Variants in LRP1 observed in about 807,000 individuals in gnomAD.
The protein encoded by LRP1 is LDL receptor related protein 1.
LRP1 carries 51 observed loss-of-function variants against 541.5 expected under a neutral mutation model. That is an observed-to-expected ratio of 0.09 (90% confidence interval 0.08 to 0.12). LRP1 has a LOEUF of 0.12. Among genes scored for constraint, LRP1 ranks in the 10% least tolerant of loss-of-function variants. The pLI is 1.00. For synonymous variants in LRP1, 2,219 were observed against 2,470.8 expected, an observed-to-expected ratio of 0.90 and a Z score of 3.02; for missense variants, 3,878 against 6,376.2, an observed-to-expected ratio of 0.61 and a Z score of 13.34.
rs544808258 is a variant in LRP1 at position 57,177,824 on chromosome 12, T to C, written c.4361+233T>C. ...GGCCATCAGCTGTGGTTATTCACAC[T>C]GTACCATCCTCTCCACTCACCTGTC... On this transcript the variant is annotated intron_variant, in intron 26 of 88. Transcript: ENST00000243077. This position sits in a 1 kb window ranked among gnomAD's most constrained non-coding sequence, Gnocchi z 6.8. Among the ~76,000 whole-genome samples, 20 of 152,192 alleles carry C rather than the reference T, an allele frequency of 1.3e-4. No individual in the cohort carries two copies. In the South Asian group the frequency reaches 3.7e-3, roughly 28 times the overall value.
chr12:57,168,760 G>A (rs767074353), intron 19 of LRP1, among the ~76,000 whole-genome samples: 31 of 152,238 alleles, frequency 2.0e-4, no homozygotes, highest in Admixed American at 4.6e-4. Flanking sequence ...GTCTCAAGCC[G>A]GCCACGCCTG....
At chr12:57,149,736 G>T (rs757069620) in intron 6 of LRP1, 13 of 728,628 alleles carry the variant, frequency 1.8e-5, no homozygotes, top group Admixed American at 1.5e-4. Context: ...CTAAGCTCCA[G>T]ACTGGCTGGT....
chr12:57,158,835 G>A lies in LRP1; in HGVS notation c.1798+197G>A, dbSNP rs2035674111. On this transcript the variant is annotated intron_variant, in intron 11 of 88. Transcript: ENST00000243077. This position sits in a 1 kb window ranked among gnomAD's most constrained non-coding sequence, Gnocchi z 5.3. Reference sequence around the variant, plus strand: ...TGAGCCAAAGAGGCAGGGTTAGGATGGGTTAGGCAGCATGGGCCGTCCTTG... The same window carrying A: ...TGAGCCAAAGAGGCAGGGTTAGGATAGGTTAGGCAGCATGGGCCGTCCTTG... Among the ~76,000 whole-genome samples the A allele has an allele frequency of 6.6e-6, 1 of 152,300 alleles. No homozygotes were observed. The highest frequency in any genetic ancestry group is 2.4e-5 in the African/African-American group (1 of 41,556).
Position 57,204,090 on chromosome 12 carries a change from G to A in LRP1, c.10952-320G>A, listed in dbSNP as rs35947923. ...ATTCCCAGCCCAGTGCTGTTCCCGC[G>A]TCCCCGCTGTGGAACTACACAGCCC... is the stretch of plus-strand genomic sequence containing the variant. On this transcript the variant is annotated intron_variant, in intron 70 of 88. Transcript: ENST00000243077. This position sits in a 1 kb window ranked among gnomAD's most constrained non-coding sequence, Gnocchi z 5.3. The A allele has an allele frequency of 7.6e-4, 189 of 250,098 alleles. No homozygotes were observed. The highest frequency in any genetic ancestry group is 3.9e-3 in the African/African-American group (177 of 44,944). The allele number at this position is 250,098 out of a possible 1,614,324, so 15.5% of individuals were successfully genotyped here.
Position 57,193,704 on chromosome 12 carries a change from C to T in LRP1, c.7804+19C>T. ...TGCAACAGTGAGTGAGGCGCACTGG[C>T]ATAACCCATCTGTACCTCAGTTCCT... is the stretch of plus-strand genomic sequence containing the variant. On this transcript the variant is annotated intron_variant, in intron 47 of 88. Transcript: ENST00000243077. 2 of 1,614,080 alleles carry T rather than the reference C, an allele frequency of 1.2e-6. No individual in the cohort carries two copies. Among genetic ancestry groups the T allele is most frequent in the Non-Finnish European group, 1.7e-6 (2 of 1,180,010 alleles).
chr12:57,132,568 C>T (rs1177857694), intron 1 of LRP1, among the ~76,000 whole-genome samples: 1 of 152,178 alleles, frequency 6.6e-6, no homozygotes, highest in Non-Finnish European at 1.5e-5. Context: ...TGTGTCATCC[C>T]CTTGGCAATC....
In LRP1 at chr12:57,128,862, G is replaced by A. The variant is rs2034972198; in HGVS notation, c.-103G>A. 2 of 954,228 alleles carry A rather than the reference G, an allele frequency of 2.1e-6. No homozygotes were observed. Among genetic ancestry groups the A allele is most frequent in the Admixed American group, 4.9e-5 (2 of 41,228 alleles). 59.1% of individuals were successfully genotyped at this position (954,228 alleles called of 1,614,324 possible). ...GGAAAGAATAAGAACAGAGAAGGAG[G>A]AGGGGGAAAGGAGGAAAAGGGGGAC... On this transcript the variant is annotated 5_prime_UTR_variant, in exon 1 of 89. Coordinates refer to ENST00000243077, the MANE Select transcript of LRP1 (RefSeq NM_002332.3).
Position 57,180,106 on chromosome 12 carries a change from G to T in LRP1, c.5201G>T (p.Arg1734Leu). Residue 1734 changes from arginine (R) to leucine (L), a missense_variant, in exon 31 of 89, where the codon CGC becomes CTC. By Grantham distance (102) the Arg-to-Leu change is moderately radical (BLOSUM62 -2). Around this residue, in one of 13 missense-constraint regions of LRP1, gnomAD observed 394 missense variants for 635.9 expected, o/e 0.62. Coordinates refer to ENST00000243077, the MANE Select transcript of LRP1 (RefSeq NM_002332.3). ...ATGGCCAACATGGATGGCAGCAATC[G>T]CACCCTGCTCTTCAGTGGCCAGAAG... Reference protein sequence around the residue: ...ISMANMDGSNRTLLFSGQKGP... With the variant: ...ISMANMDGSNLTLLFSGQKGP... 6.2e-7 allele frequency: 1 copy of T among 1,613,838 alleles called. No individual in the cohort carries two copies. Among genetic ancestry groups the T allele is most frequent in the East Asian group, 2.2e-5 (1 of 44,874 alleles).
chr12:57,196,149 C>T lies in LRP1; in HGVS notation c.8764C>T (p.Leu2922=). The T allele has an allele frequency of 6.2e-7, 1 of 1,611,840 alleles. No homozygotes were observed. The highest frequency in any genetic ancestry group is 1.1e-5 in the South Asian group (1 of 91,022). The change falls in exon 55 of 89, where the codon CTG becomes TTG. Residue 2922 remains leucine (L), a synonymous_variant. Transcript: ENST00000243077. ...CSSGRCVAEA[L]LCNGQDDCGD... Reference sequence around the variant, plus strand: ...CAGTGGGCGCTGTGTGGCTGAGGCACTGCTCTGCAACGGCCAGGATGACTG... The same window carrying T: ...CAGTGGGCGCTGTGTGGCTGAGGCATTGCTCTGCAACGGCCAGGATGACTG...
chr12:57,141,020 C>T (rs2035278552), intron 2 of LRP1, among the ~76,000 whole-genome samples: 1 of 152,166 alleles, frequency 6.6e-6, no homozygotes, highest in African/African-American at 2.4e-5. Context: ...AGGTGTGAGC[C>T]ATCACTCCCG....
chr12:57,128,713 G>T lies in LRP1; in HGVS notation c.-252G>T. The T allele has an allele frequency of 2.4e-6, 1 of 418,696 alleles. No homozygotes were observed. The highest frequency in any genetic ancestry group is 4.0e-5 in the Admixed American group (1 of 24,964). 25.9% of individuals were successfully genotyped at this position (418,696 alleles called of 1,614,324 possible). A position where few individuals can be genotyped will look rare whatever the true frequency, so the allele number is the denominator to read the frequency against. ...GGAGGGGGAAAGAGCAGCGAGGAGT[G>T]AAGCGGGGGGGTGGGGTGAAGGGTT... On this transcript the variant is annotated 5_prime_UTR_variant, in exon 1 of 89. Coordinates refer to ENST00000243077, the MANE Select transcript of LRP1 (RefSeq NM_002332.3).
In LRP1 at chr12:57,205,272, A is replaced by C. The variant is rs1278062822; in HGVS notation, c.11335+23A>C. 1.2e-6 allele frequency: 2 copies of C among 1,603,680 alleles called. No homozygotes were observed. Among genetic ancestry groups the C allele is most frequent in the Middle Eastern group, 1.7e-4 (1 of 6,052 alleles). Reference sequence around the variant, plus strand: ...TCGGTGAGGCCCGGCAGCGGACCGGACGCTGGTGGGGAGTGGGGAGAGCCA... The same window carrying C: ...TCGGTGAGGCCCGGCAGCGGACCGGCCGCTGGTGGGGAGTGGGGAGAGCCA... On this transcript the variant is annotated intron_variant, in intron 73 of 88. Coordinates refer to ENST00000243077, the MANE Select transcript of LRP1 (RefSeq NM_002332.3). This position sits in a 1 kb window ranked among gnomAD's most constrained non-coding sequence, Gnocchi z 4.6.
chr12:57,160,849 A>G (rs1377408594), intron 12 of LRP1, 44 bp from the exon 13 acceptor site: 13 of 1,512,548 alleles, frequency 8.6e-6, no homozygotes, highest in Non-Finnish European at 1.1e-5. Context: ...GAGGCTGTTG[A>G]TGGCGGGGGT....
At position 57,185,087 on chromosome 12, in the gene LRP1, T is replaced by G; in HGVS notation, c.6345T>G (p.His2115Gln). 6.2e-7 allele frequency: 1 copy of G among 1,614,162 alleles called. No homozygotes were observed. Among genetic ancestry groups the G allele is most frequent in the Non-Finnish European group, 8.5e-7 (1 of 1,180,028 alleles). Residue 2115 changes from histidine (H) to glutamine (Q), a missense_variant, in exon 40 of 89, where the codon CAT becomes CAG. Physicochemically the swap from His to Gln is conservative, Grantham distance 24. Around this residue, in one of 13 missense-constraint regions of LRP1, gnomAD observed 1,100 missense variants for 1,827.4 expected, o/e 0.60. Transcript: ENST00000243077. This position sits in a 1 kb window ranked among gnomAD's most constrained non-coding sequence, Gnocchi z 4.9. ...TGCCCTGTCCTTCCCTCAGGACTCA[T>G]GCCAACGGCTCTATCAAGCGCGGGA... ...EDFIYWSDRT[H>Q]ANGSIKRGSK...
At chr12:57,193,866 T>C in intron 47 of LRP1, 33 bp from the exon 48 acceptor site, 3 of 1,605,220 alleles carry the variant, frequency 1.9e-6, no homozygotes, top group Non-Finnish European at 2.6e-6. Flanking sequence ...GAGAAAACTC[T>C]GGCCTGACGA....
Position 57,178,758 on chromosome 12 carries a change from C to A in LRP1, c.4607-132C>A. ...GGCTGTTGACAGAGGCACTGTCTAG[C>A]AGCAGAGAAGGGTCTAGTAGTAGCG... On this transcript the variant is annotated intron_variant, in intron 27 of 88. Transcript: ENST00000243077. The surrounding 1 kb of genome is among the most constrained non-coding windows in gnomAD (Gnocchi z 5.8). The A allele has an allele frequency of 6.6e-7, 1 of 1,505,580 alleles. No homozygotes were observed. The highest frequency in any genetic ancestry group is 9.0e-7 in the Non-Finnish European group (1 of 1,112,788). 93.3% of individuals were successfully genotyped at this position (1,505,580 alleles called of 1,614,324 possible).
intron 44 of LRP1, 142 bp downstream of exon 44, chr12:57,191,654 CACACCACACCACAT>C: frequency 1.5e-6 from 1 of 654,516 alleles, no homozygotes; most frequent in South Asian, 2.0e-5. Flanking sequence ...CTACACTACA[CACACCACACCACAT>C]ACACACACCA....
Position 57,185,404 on chromosome 12 carries a change from C to T in LRP1, c.6464-127C>T. Reference sequence around the variant, plus strand: ...AGATCTTGGCATTGGACTCTGGGCCCTGGAGGGTCATTCAAGCTGGGAATA... The same window carrying T: ...AGATCTTGGCATTGGACTCTGGGCCTTGGAGGGTCATTCAAGCTGGGAATA... On this transcript the variant is annotated intron_variant, in intron 40 of 88. Transcript: ENST00000243077. The surrounding 1 kb of genome is among the most constrained non-coding windows in gnomAD (Gnocchi z 4.9). 2 of 1,355,688 alleles carry T rather than the reference C, an allele frequency of 1.5e-6. No individual in the cohort carries two copies. Among genetic ancestry groups the T allele is most frequent in the Non-Finnish European group, 2.0e-6 (2 of 1,012,916 alleles). The allele number at this position is 1,355,688 out of a possible 1,614,324, so 84.0% of individuals were successfully genotyped here. A position where few individuals can be genotyped will look rare whatever the true frequency, so the allele number is the denominator to read the frequency against.
intron 1 of LRP1, among the ~76,000 whole-genome samples, chr12:57,136,670 T>C (rs927222661): frequency 1.3e-5 from 2 of 152,180 alleles, no homozygotes; most frequent in African/African-American, 4.8e-5. Context: ...GGTGGGTGAC[T>C]GTTCCTCCTG....
Sources: gnomAD v4.1 joint callset for allele counts (sites outside exome capture counted in the v4.1 genomes callset) on GRCh38, gnomAD v4.1.1 for gene constraint, gnomAD v4.1.1 regional missense constraint, Gnocchi (gnomAD v3.1) non-coding constraint, MANE v1.5 for transcripts, NCBI Gene and HGNC (gene_info 2026-07-23, HGNC 2026-07-21) for gene names.